KLHL40: variants seen among roughly 807,000 people sequenced by gnomAD.
The protein encoded by KLHL40 is kelch-like protein 40.
A neutral mutation model predicts 49.7 loss-of-function variants in KLHL40; 44 were observed. That is an observed-to-expected ratio of 0.89 (90% CI 0.70 to 1.14). KLHL40 has a LOEUF of 1.14. Ranked by LOEUF, KLHL40 falls within the 50% of genes most tolerant of loss-of-function variation. The pLI is 0.00. For missense variants in KLHL40, 892 were observed against 850.3 expected, an observed-to-expected ratio of 1.05 and a Z score of -0.61; for synonymous variants, 409 against 365.2, an observed-to-expected ratio of 1.12 and a Z score of -1.37.
rs1200923041 is a variant in KLHL40, at chr3:42,686,281, C to T, written c.663C>T (p.Phe221=). ...AERQRALPTV[F]ESVRCRLLPR... ...GCCAGCGCGCGCTGCCCACCGTCTT[C>T]GAGAGCGTGCGCTGCCGCTTGCTGC... Residue 221 remains phenylalanine (F), a synonymous_variant, in exon 1 of 6, where the codon TTC becomes TTT. Coordinates refer to ENST00000287777, the MANE Select transcript of KLHL40 (RefSeq NM_152393.4). The T allele has an allele frequency of 6.4e-7, 1 of 1,571,428 alleles. No homozygotes were observed. Among genetic ancestry groups the T allele is most frequent in the African/African-American group, 1.4e-5 (1 of 73,882 alleles).
In KLHL40 at chr3:42,688,636, C is replaced by T. The variant is rs764077398; in HGVS notation, c.1340C>T (p.Pro447Leu). ...RLSFKWGESD[P>L]LPYVVYGHTV... The stretch of plus-strand genomic sequence containing the variant: ...TCATTCAAATGGGGTGAATCGGACC[C>T]GCTGCCTTACGTGGTGTATGGCCAC... Residue 447 changes from proline to leucine, a missense_variant, in exon 3 of 6, where the codon CCG becomes CTG. Pro to Leu is a moderately conservative substitution (Grantham distance 98). Transcript: ENST00000287777. The surrounding 1 kb of genome is among the most constrained non-coding windows in gnomAD (Gnocchi z 4.2). 17 of 1,613,820 alleles carry T rather than the reference C, an allele frequency of 1.1e-5. No individual in the cohort carries two copies. The highest frequency in any genetic ancestry group is 6.7e-5 in the East Asian group (3 of 44,892).
rs773028556 is a variant in KLHL40, at chr3:42,686,248, G to A, written c.630G>A (p.Gln210=). 3 of 1,555,506 alleles carry A rather than the reference G, an allele frequency of 1.9e-6. No individual in the cohort carries two copies. Among genetic ancestry groups the A allele is most frequent in the African/African-American group, 2.7e-5 (2 of 73,668 alleles). The change falls in exon 1 of 6, where the codon CAG becomes CAA. Residue 210 remains glutamine (Q), a synonymous_variant. Coordinates refer to ENST00000287777, the MANE Select transcript of KLHL40 (RefSeq NM_152393.4). ...CGGGTAGCGGCGACGCCGAGGCGCA[G>A]GCTGAGCGCCAGCGCGCGCTGCCCA... ...RWAGSGDAEA[Q]AERQRALPTV... is the part of the protein sequence containing the mutation.
chr3:42,690,593 T>C (rs1697347741), intron 4 of KLHL40, among the ~76,000 whole-genome samples: 1 of 149,240 alleles, frequency 6.7e-6, no homozygotes, highest in South Asian at 2.1e-4. Flanking sequence ...AGGAGAGGAG[T>C]AGGGGCAGTG....
intron 4 of KLHL40, among the ~76,000 whole-genome samples, chr3:42,689,639 T>A (rs1258243295): frequency 6.6e-6 from 1 of 151,854 alleles, no homozygotes; most frequent in Non-Finnish European, 1.5e-5. Flanking sequence ...TCATGGCAAC[T>A]GATATAGAGA....
chr3:42,689,403 G>C (rs1697326355), intron 4 of KLHL40, among the ~76,000 whole-genome samples: 1 of 152,176 alleles, frequency 6.6e-6, no homozygotes, highest in Non-Finnish European at 1.5e-5. Context: ...GAGACAGTTG[G>C]ACTCAGCTCG....
In KLHL40 at chr3:42,686,976, G is replaced by A. The variant is rs79959247; in HGVS notation, c.1152+206G>A. On this transcript the variant is annotated intron_variant, in intron 1 of 5. Transcript: ENST00000287777. ...GCTGCCAAAAAGCAGCATAACTTTGGTATCTTAATTTCAGGGGTGTGGTAG... is the reference window on the plus strand; with the variant it reads ...GCTGCCAAAAAGCAGCATAACTTTGATATCTTAATTTCAGGGGTGTGGTAG... Among the ~76,000 whole-genome samples the A allele has an allele frequency of 8.9e-3, 1,352 of 152,346 alleles. 22 individuals are homozygous for A. The highest frequency in any genetic ancestry group is 0.031 in the African/African-American group (1,286 of 41,578).
chr3:42,690,037 T>C (rs1697336365), intron 4 of KLHL40, among the ~76,000 whole-genome samples: 1 of 151,966 alleles, frequency 6.6e-6, no homozygotes, highest in South Asian at 2.1e-4. Flanking sequence ...GGATAATCAT[T>C]GGGATTGGGT....
chr3:42,686,170 C>T lies in KLHL40; in HGVS notation c.552C>T (p.Asp184=). The change falls in exon 1 of 6, where the codon GAC becomes GAT. Residue 184 remains aspartate (D), a synonymous_variant. Coordinates refer to ENST00000287777, the MANE Select transcript of KLHL40 (RefSeq NM_152393.4). ...AGCTCATCGCCATCATCTCCAGCGA[C>T]GGCCTTAACGTGGAGAAGGAGGAGG... ...ADELIAIISS[D]GLNVEKEEAV... The T allele has an allele frequency of 6.3e-7, 1 of 1,588,396 alleles. No homozygotes were observed. Among genetic ancestry groups the T allele is most frequent in the East Asian group, 2.3e-5 (1 of 44,410 alleles).
In KLHL40 at chr3:42,685,722, G is replaced by A. The variant is rs866611021; in HGVS notation, c.104G>A (p.Cys35Tyr). 1.2e-6 allele frequency: 2 copies of A among 1,613,150 alleles called. No individual in the cohort carries two copies. The highest frequency in any genetic ancestry group is 3.3e-4 in the Middle Eastern group (2 of 6,062). ...DMLDHGKFLD[C>Y]VVRAGEREFP... ...CTGGACCATGGCAAGTTCCTCGACT[G>A]TGTGGTGCGGGCGGGCGAGCGCGAG... Residue 35 changes from cysteine to tyrosine, a missense_variant, in exon 1 of 6, where the codon TGT becomes TAT. Cys to Tyr is a radical substitution (Grantham distance 194). Coordinates refer to ENST00000287777, the MANE Select transcript of KLHL40 (RefSeq NM_152393.4).
At position 42,688,728 on chromosome 3, in the gene KLHL40, G is replaced by T. The variant is rs1459546429; in HGVS notation, c.1421+11G>T. The T allele has an allele frequency of 1.2e-6, 2 of 1,607,570 alleles. No homozygotes were observed. Among genetic ancestry groups the T allele is most frequent in the Non-Finnish European group, 1.7e-6 (2 of 1,174,268 alleles). ...CAAAGGCAGTGACAGGTGAGGCTGG[G>T]CCTGGAGTGAGTCTGTGGAGCAGAG... On this transcript the variant is annotated intron_variant, in intron 3 of 5. Coordinates refer to ENST00000287777, the MANE Select transcript of KLHL40 (RefSeq NM_152393.4). The surrounding 1 kb of genome is among the most constrained non-coding windows in gnomAD (Gnocchi z 4.2).
Position 42,690,875 on chromosome 3 carries a change from G to T in KLHL40, c.1624G>T (p.Ala542Ser), listed in dbSNP as rs1434763715. The T allele has an allele frequency of 6.2e-7, 1 of 1,610,334 alleles. No individual in the cohort carries two copies. Among genetic ancestry groups the T allele is most frequent in the Non-Finnish European group, 8.5e-7 (1 of 1,178,028 alleles). ...ITDNKWAPFE[A>S]FPQERSSLSL... ...CACCCCCAGGTGGGCACCCTTCGAG[G>T]CCTTCCCACAGGAGCGTAGCTCACT... is the stretch of plus-strand genomic sequence containing the variant. Residue 542 changes from alanine to serine, a missense_variant, in exon 5 of 6, where the codon GCC (alanine) becomes TCC (serine). Ala to Ser is a moderately conservative substitution (Grantham distance 99, BLOSUM62 1). Coordinates refer to ENST00000287777, the MANE Select transcript of KLHL40 (RefSeq NM_152393.4).
Position 42,692,215 on chromosome 3 carries a change from C to G in KLHL40, c.*222C>G, listed in dbSNP as rs929834143. 1.8e-6 allele frequency: 1 copy of G among 544,562 alleles called. No homozygotes were observed. The highest frequency in any genetic ancestry group is 3.0e-5 in the East Asian group (1 of 33,318). The allele number at this position is 544,562 out of a possible 1,614,324, so 33.7% of individuals were successfully genotyped here. On this transcript the variant is annotated 3_prime_UTR_variant, in exon 6 of 6. Coordinates refer to ENST00000287777, the MANE Select transcript of KLHL40 (RefSeq NM_152393.4). ...GAGGCTTCTCCAGTGTTGCCATATCCCCCTAGGTTGTCTTGATCCATGAAC... is the reference window on the plus strand; with the variant it reads ...GAGGCTTCTCCAGTGTTGCCATATCGCCCTAGGTTGTCTTGATCCATGAAC...
chr3:42,691,888 CGAG>C lies in KLHL40; in HGVS notation c.1768_1770del (p.Glu590del), dbSNP rs142843476. The C allele has an allele frequency of 3.0e-3, 4,757 of 1,603,008 alleles. 95 individuals carry two copies. In the African/African-American group the frequency reaches 0.053, roughly 18 times the overall value. ...CACTCTCTCTCATCCCCAGGTATAA[CGAG>C]GAGGAGAAGAAATGGGAGGGTGTCC... On this transcript the variant is annotated inframe_deletion, in exon 6 of 6. Coordinates refer to ENST00000287777, the MANE Select transcript of KLHL40 (RefSeq NM_152393.4).
Position 42,685,687 on chromosome 3 carries a change from C to T in KLHL40, c.69C>T (p.Leu23=). 1 of 1,613,072 alleles carries T rather than the reference C, an allele frequency of 6.2e-7. No homozygotes were observed. ...AGCAGACGCTCCTGCAAGACGGGCT[C>T]AAAGACATGCTGGACCATGGCAAGT... is the stretch of plus-strand genomic sequence containing the variant. ...LYQQTLLQDG[L]KDMLDHGKFL... is the part of the protein sequence containing the mutation. The change falls in exon 1 of 6, where the codon CTC becomes CTT. Residue 23 remains leucine, a synonymous_variant. Coordinates refer to ENST00000287777, the MANE Select transcript of KLHL40 (RefSeq NM_152393.4).
rs1369164285 is a variant in KLHL40, at chr3:42,688,448, G to A, written c.1313+146G>A. ...CTTGGGTAAGGGCGGGGAGGTTGGG[G>A]GGCAGGGTGGGATCAAAGAACTGAG... On this transcript the variant is annotated intron_variant, in intron 2 of 5. Coordinates refer to ENST00000287777, the MANE Select transcript of KLHL40 (RefSeq NM_152393.4). This position sits in a 1 kb window ranked among gnomAD's most constrained non-coding sequence, Gnocchi z 4.2. 4 of 984,804 alleles carry A rather than the reference G, an allele frequency of 4.1e-6. No homozygotes were observed. Among genetic ancestry groups the A allele is most frequent in the Non-Finnish European group, 6.1e-6 (4 of 650,458 alleles). 61.0% of individuals were successfully genotyped at this position (984,804 alleles called of 1,614,324 possible).
intron 4 of KLHL40, 70 bp downstream of exon 4, chr3:42,689,124 C>A: frequency 7.4e-7 from 1 of 1,351,258 alleles, no homozygotes; most frequent in Non-Finnish European, 1.0e-6. Context: ...CCAGCAGGAG[C>A]TGCAGTCCCT....
In KLHL40 at chr3:42,692,271, T is replaced by C. The variant is rs1395619060; in HGVS notation, c.*278T>C. ...CCACAGGGCGGTATCCCAGGCCGTG[T>C]GCTGGCCCTGCCCCAGCCTAGCTGA... is the stretch of plus-strand genomic sequence containing the variant. On this transcript the variant is annotated 3_prime_UTR_variant, in exon 6 of 6. Transcript: ENST00000287777. The C allele has an allele frequency of 8.2e-6, 4 of 488,092 alleles. No homozygotes were observed. Among genetic ancestry groups the C allele is most frequent in the Non-Finnish European group, 1.5e-5 (4 of 270,272 alleles). 30.2% of individuals were successfully genotyped at this position (488,092 alleles called of 1,614,324 possible). A position where few individuals can be genotyped will look rare whatever the true frequency, so the allele number is the denominator to read the frequency against.
At chr3:42,686,908 A>G in intron 1 of KLHL40, 138 bp downstream of exon 1, 1 of 704,292 alleles carries the variant, frequency 1.4e-6, no homozygotes, top group Admixed American at 3.0e-5. Context: ...GGGGAGGTTG[A>G]CTGATAGCCA....
Position 42,685,585 on chromosome 3 carries a change from C to G in KLHL40, c.-34C>G, listed in dbSNP as rs947655249. ...AAGCAGGGGTACAGAGAGGAGCCCC[C>G]TTGGCACCGCCACCGCACCCTAGGC... On this transcript the variant is annotated 5_prime_UTR_variant, in exon 1 of 6. Coordinates refer to ENST00000287777, the MANE Select transcript of KLHL40 (RefSeq NM_152393.4). 2.0e-6 allele frequency: 3 copies of G among 1,533,266 alleles called. No individual in the cohort carries two copies. The highest frequency in any genetic ancestry group is 1.8e-6 in the Non-Finnish European group (2 of 1,137,104). 95.0% of individuals were successfully genotyped at this position (1,533,266 alleles called of 1,614,324 possible).
Sources: allele counts gnomAD v4.1 joint callset (sites outside exome capture counted in the v4.1 genomes callset), GRCh38; gene constraint gnomAD v4.1.1; non-coding constraint Gnocchi (gnomAD v3.1); transcripts MANE v1.5; gene names NCBI Gene and HGNC (gene_info 2026-07-23, HGNC 2026-07-21).